The following MSH3 variants were observed in gnomAD, a reference collection of about 807,000 sequenced individuals.
MSH3 encodes the protein mutS homolog 3, also known as DNA mismatch repair protein Msh3.
MSH3 carries 106 observed loss-of-function variants against 123.3 expected under a neutral mutation model. The ratio of observed to expected loss-of-function variants is 0.86; its 90% CI spans 0.73 to 1.01. The LOEUF (loss-of-function observed/expected upper bound fraction) is 1.01. Among genes scored for constraint, MSH3 ranks in the 50% least tolerant of loss-of-function variants. The pLI is 0.00. For synonymous variants in MSH3, 515 were observed against 481.4 expected (o/e 1.07, Z -0.91); for missense variants, 1,459 against 1,347.6 (o/e 1.08, Z -1.29).
intron 8 of MSH3, among the ~76,000 whole-genome samples, chr5:80,687,769 G>T (rs961194285): frequency 1.3e-5 from 2 of 152,094 alleles, no homozygotes; most frequent in African/African-American, 4.8e-5. Context: ...GTAGAAGGCA[G>T]TAAGGTTTCT....
Position 80,792,733 on chromosome 5 carries a change from A to G in MSH3, c.2544A>G (p.Arg848=), listed in dbSNP as rs1744629354. 8.2e-6 allele frequency: 13 copies of G among 1,589,782 alleles called. No homozygotes were observed. Among genetic ancestry groups the G allele is most frequent in the Non-Finnish European group, 1.0e-5 (12 of 1,158,764 alleles). The part of the protein sequence containing the change: ...AKVAKQGDYC[R]PTVQEERKIV... The stretch of plus-strand genomic sequence containing the variant: ...ATTGAAACATATTTCTTTTTTGCAG[A>G]CCAACTGTACAAGAAGAAAGAAAAA... The change falls in exon 19 of 24, where the codon AGA becomes AGG. Residue 848 remains arginine (R), a splice_region_variant and synonymous_variant. Coordinates refer to ENST00000265081, the MANE Select transcript of MSH3 (RefSeq NM_002439.5).
intron 13 of MSH3, 130 bp downstream of exon 13, chr5:80,761,808 T>A: frequency 1.0e-6 from 1 of 1,004,438 alleles, no homozygotes; most frequent in Non-Finnish European, 1.5e-6. Flanking sequence ...CATGCGAGAG[T>A]AGCTGAATCC....
chr5:80,821,190 T>C (rs1229329022), intron 20 of MSH3, among the ~76,000 whole-genome samples: 4 of 152,236 alleles, frequency 2.6e-5, no homozygotes, highest in Admixed American at 2.0e-4. Context: ...CACAATGATC[T>C]GTTCACGGTA....
chr5:80,733,372 T>A (rs912067816), intron 10 of MSH3, among the ~76,000 whole-genome samples: 2 of 152,180 alleles, frequency 1.3e-5, no homozygotes, highest in Non-Finnish European at 2.9e-5. Context: ...TGTTATACTC[T>A]TAGAAGAAAA....
chr5:80,761,850 T>C (rs1029027911), intron 13 of MSH3, among the ~76,000 whole-genome samples, 172 bp downstream of exon 13: 2 of 152,188 alleles, frequency 1.3e-5, no homozygotes, highest in Non-Finnish European at 2.9e-5. Context: ...ATTAGAGTTA[T>C]TCCAATTTTT....
At position 80,675,059 on chromosome 5, in the gene MSH3, T is replaced by G. The variant is rs748596644; in HGVS notation, c.1104T>G (p.Leu368=). 8.7e-6 allele frequency: 14 copies of G among 1,613,608 alleles called. No homozygotes were observed. In the South Asian group the frequency reaches 1.3e-4, roughly 15 times the overall value. The change falls in exon 7 of 24, where the codon CTT becomes CTG. Residue 368 remains leucine (L), a synonymous_variant. Coordinates refer to ENST00000265081, the MANE Select transcript of MSH3 (RefSeq NM_002439.5). The stretch of plus-strand genomic sequence containing the variant: ...TGACTGATACTTCTACCAGCTATCT[T>G]CTGTGCATCTCTGAAAATAAGGAAA... ...EIMTDTSTSY[L]LCISENKENV... is the part of the protein sequence containing the mutation.
chr5:80,695,491 C>T (rs899835483), intron 8 of MSH3, among the ~76,000 whole-genome samples: 9 of 152,046 alleles, frequency 5.9e-5, no homozygotes, highest in Non-Finnish European at 7.4e-5. Flanking sequence ...CCTGCCACCA[C>T]GCCCAGCTAA....
rs190507740 is a variant in MSH3 at position 80,660,304 on chromosome 5, A to G, written c.358+3773A>G. 1.7e-3 allele frequency among the ~76,000 whole-genome samples: 256 copies of G among 152,192 alleles called. 2 individuals are homozygous for G. Among genetic ancestry groups the G allele is most frequent in the South Asian group, 4.4e-3 (21 of 4,824 alleles). The stretch of plus-strand genomic sequence containing the variant: ...GCAAGAGAAAATGAGGAAGAAGGAA[A>G]GGTGGGAACCCCTGATAAACCCATC... On this transcript the variant is annotated intron_variant, in intron 2 of 23. Coordinates refer to ENST00000265081, the MANE Select transcript of MSH3 (RefSeq NM_002439.5).
intron 8 of MSH3, among the ~76,000 whole-genome samples, chr5:80,705,289 A>G (rs1056968686): frequency 6.6e-6 from 1 of 152,122 alleles, no homozygotes; most frequent in Non-Finnish European, 1.5e-5. Context: ...TTAGCTGTAC[A>G]TTGGGATTAC....
intron 13 of MSH3, among the ~76,000 whole-genome samples, chr5:80,763,262 G>C (rs1050840468): frequency 1.3e-5 from 2 of 152,184 alleles, no homozygotes; most frequent in African/African-American, 2.4e-5. Context: ...AAGAATACTT[G>C]AGGTGCCCAA....
intron 12 of MSH3, chr5:80,746,766 A>T (rs1178907713): frequency 1.2e-5 from 5 of 401,714 alleles, no homozygotes; most frequent in Non-Finnish European, 1.0e-5. Flanking sequence ...TTGTTTGGCA[A>T]TTTCCACATC....
At chr5:80,685,108 A>T (rs1231454567) in intron 8 of MSH3, among the ~76,000 whole-genome samples, 1 of 149,712 alleles carries the variant, frequency 6.7e-6, no homozygotes, top group Non-Finnish European at 1.5e-5. Context: ...ATCAAGAGAT[A>T]TTGGCCTCTA....
intron 20 of MSH3, among the ~76,000 whole-genome samples, chr5:80,822,042 G>A (rs1161757175): frequency 6.6e-6 from 1 of 152,144 alleles, no homozygotes; most frequent in Non-Finnish European, 1.5e-5. Context: ...TAGGTCAATA[G>A]GATTCTCAGA....
At chr5:80,770,780 A>AGG (rs1161338475) in intron 15 of MSH3, among the ~76,000 whole-genome samples, 1 of 152,248 alleles carries the variant, frequency 6.6e-6, no homozygotes, top group African/African-American at 2.4e-5. Flanking sequence ...ATAGTATTCA[A>AGG]AATAAAATAA....
chr5:80,870,917 AGCACAGTGCACATTTT>A (rs1344743083), intron 22 of MSH3, among the ~76,000 whole-genome samples: 1 of 118,192 alleles, frequency 8.5e-6, no homozygotes, highest in Non-Finnish European at 1.7e-5. Context: ...ACATTTCTGC[AGCACAGTGCACATTTT>A]GCAGCACAAT....
At chr5:80,818,632 A>C (rs1162317929) in intron 20 of MSH3, among the ~76,000 whole-genome samples, 1 of 152,214 alleles carries the variant, frequency 6.6e-6, no homozygotes, top group Non-Finnish European at 1.5e-5. Context: ...AAGTGAGATA[A>C]ACAGTGCAAT....
At chr5:80,746,983 C>T (rs1366832247) in intron 12 of MSH3, among the ~76,000 whole-genome samples, 1 of 152,044 alleles carries the variant, frequency 6.6e-6, no homozygotes. Context: ...CTTTTCTTAG[C>T]CATAAAGACC....
Position 80,744,598 on chromosome 5 carries a change from G to T in MSH3, c.1746G>T (p.Gln582His). 6.2e-7 allele frequency: 1 copy of T among 1,611,220 alleles called. No homozygotes were observed. The highest frequency in any genetic ancestry group is 1.1e-5 in the South Asian group (1 of 90,962). Reference protein sequence around the residue: ...GRRKLKKWVTQPLLKLREINA... With the variant: ...GRRKLKKWVTHPLLKLREINA... ...GGAAGTTAAAGAAGTGGGTGACCCA[G>T]CCACTCCTTAAATTAAGGTAAAAGG... Residue 582 changes from glutamine (Q) to histidine (H), a missense_variant, in exon 12 of 24, where the codon CAG becomes CAT. Transcript: ENST00000265081.
At chr5:80,745,705 T>G (rs1267114200) in intron 12 of MSH3, among the ~76,000 whole-genome samples, 1 of 152,236 alleles carries the variant, frequency 6.6e-6, no homozygotes, top group African/African-American at 2.4e-5. Context: ...TTCTCACCTT[T>G]GACATGGTGG....
Sources: allele counts gnomAD v4.1 joint callset (sites outside exome capture counted in the v4.1 genomes callset), GRCh38; gene constraint gnomAD v4.1.1; transcripts MANE v1.5; gene names NCBI Gene and HGNC (gene_info 2026-07-23, HGNC 2026-07-21).